The following CSMD3 variants were observed in gnomAD, a reference collection of about 807,000 sequenced individuals.
The protein encoded by CSMD3 is CUB and sushi domain-containing protein 3.
Under a neutral mutation model 435.2 loss-of-function variants are expected in CSMD3, and 177 were observed. That is an observed-to-expected ratio of 0.41 (90% CI 0.36 to 0.46). CSMD3 has a LOEUF of 0.46. Ranked by LOEUF, CSMD3 falls within the 20% of genes least tolerant of loss-of-function variation. The pLI is 0.34. For missense variants in CSMD3, 4,265 were observed against 4,504.6 expected (o/e 0.95, Z 1.52); for synonymous variants, 1,656 against 1,520.5 (o/e 1.09, Z -2.07).
chr8:113,197,750 T>C (rs2092674552), intron 3 of CSMD3, among the ~76,000 whole-genome samples: 1 of 151,304 alleles, frequency 6.6e-6, no homozygotes, highest in South Asian at 2.1e-4. Context: ...TTTCTGTCAA[T>C]AATAATTGTA....
At chr8:112,690,858 G>T (rs1345617053) in intron 13 of CSMD3, among the ~76,000 whole-genome samples, 1 of 151,806 alleles carries the variant, frequency 6.6e-6, no homozygotes, top group East Asian at 1.9e-4. Context: ...TAATACAGTT[G>T]TCTTCAAACA....
chr8:113,127,114 G>A (rs2091155946), intron 4 of CSMD3, among the ~76,000 whole-genome samples: 1 of 151,870 alleles, frequency 6.6e-6, no homozygotes, highest in Non-Finnish European at 1.5e-5. Flanking sequence ...ACTCTTTGAG[G>A]GCAGAGCTGT....
chr8:112,965,709 C>A (rs1260210569), intron 7 of CSMD3, among the ~76,000 whole-genome samples: 2 of 151,900 alleles, frequency 1.3e-5, no homozygotes, highest in African/African-American at 4.8e-5. Flanking sequence ...TTATCTAATA[C>A]ATTTTAAATG....
chr8:113,221,353 T>TTA (rs1383863938), intron 3 of CSMD3, among the ~76,000 whole-genome samples: 1 of 102,932 alleles, frequency 9.7e-6, no homozygotes, highest in East Asian at 2.5e-4. Context: ...ACAGACACAG[T>TTA]TACACACACA....
chr8:113,208,024 T>C (rs1183296397), intron 3 of CSMD3, among the ~76,000 whole-genome samples: 3 of 152,164 alleles, frequency 2.0e-5, no homozygotes, highest in Admixed American at 6.6e-5. Flanking sequence ...TAGAATGCTT[T>C]ATCAAGTCTG....
chr8:113,108,264 C>T (rs1465891471), intron 4 of CSMD3, among the ~76,000 whole-genome samples: 1 of 151,926 alleles, frequency 6.6e-6, no homozygotes, highest in Non-Finnish European at 1.5e-5. Context: ...CCCATCTCTA[C>T]TAAAAATATA....
intron 38 of CSMD3, among the ~76,000 whole-genome samples, chr8:112,375,786 G>T (rs929518901): frequency 1.3e-5 from 2 of 151,972 alleles, no homozygotes; most frequent in East Asian, 1.9e-4. Context: ...ATAATTTAAT[G>T]GTCTGTATTA....
chr8:113,289,097 C>T (rs2093666287), intron 2 of CSMD3, among the ~76,000 whole-genome samples: 1 of 145,566 alleles, frequency 6.9e-6, no homozygotes, highest in South Asian at 2.3e-4. Context: ...CTTGCCTCTC[C>T]TGATTCCTCA....
chr8:112,583,772 C>T (rs545828267), intron 23 of CSMD3, among the ~76,000 whole-genome samples: 1 of 151,884 alleles, frequency 6.6e-6, no homozygotes, highest in East Asian at 1.9e-4. Flanking sequence ...GGTTAAAATA[C>T]CCATTAAGTA....
chr8:113,005,393 G>A (rs1198517577), intron 6 of CSMD3, among the ~76,000 whole-genome samples: 1 of 151,580 alleles, frequency 6.6e-6, no homozygotes, highest in Non-Finnish European at 1.5e-5. Flanking sequence ...TTAAATTAAG[G>A]CCATATAGAA....
intron 13 of CSMD3, among the ~76,000 whole-genome samples, chr8:112,715,737 G>A (rs1198337345): frequency 3.9e-5 from 6 of 152,102 alleles, no homozygotes; most frequent in African/African-American, 1.2e-4. Flanking sequence ...TGATGAAGTC[G>A]GCTTCATCCC....
At chr8:112,795,664 C>G (rs1050027788) in intron 13 of CSMD3, among the ~76,000 whole-genome samples, 9 of 152,040 alleles carry the variant, frequency 5.9e-5, no homozygotes, top group African/African-American at 1.9e-4. Context: ...CAAGAACGCA[C>G]CTGAGTCTCA....
chr8:113,207,010 G>T (rs935596077), intron 3 of CSMD3, among the ~76,000 whole-genome samples: 2 of 152,072 alleles, frequency 1.3e-5, no homozygotes, highest in African/African-American at 4.8e-5. Flanking sequence ...AAAAATGCAG[G>T]CTACTGTGTT....
At chr8:113,196,579 T>G (rs2092658503) in intron 3 of CSMD3, among the ~76,000 whole-genome samples, 1 of 151,272 alleles carries the variant, frequency 6.6e-6, no homozygotes, top group Non-Finnish European at 1.5e-5. Flanking sequence ...GAGGATTTTA[T>G]TTTTTAAATG....
intron 32 of CSMD3, among the ~76,000 whole-genome samples, chr8:112,429,497 T>C (rs1813433691): frequency 6.6e-6 from 1 of 152,056 alleles, no homozygotes; most frequent in Admixed American, 6.6e-5. Context: ...AGCCATTAAA[T>C]ATCAAAACAT....
chr8:112,482,569 A>ACTT (rs2130804152), intron 31 of CSMD3, among the ~76,000 whole-genome samples: 1 of 152,302 alleles, frequency 6.6e-6, no homozygotes, highest in South Asian at 2.1e-4. Flanking sequence ...GAAACAGCTA[A>ACTT]CTTTTTAGGA....
At chr8:112,969,648 T>A (rs993096136) in intron 7 of CSMD3, among the ~76,000 whole-genome samples, 61 of 151,970 alleles carry the variant, frequency 4.0e-4, no homozygotes, top group Non-Finnish European at 2.1e-4. Flanking sequence ...TAAATTCCCA[T>A]CGGGAAGTCC....
At chr8:113,152,534 A>G (rs1273232010) in intron 4 of CSMD3, among the ~76,000 whole-genome samples, 1 of 152,092 alleles carries the variant, frequency 6.6e-6, no homozygotes, top group African/African-American at 2.4e-5. Flanking sequence ...GATTAACCCA[A>G]TCCCTTTTAA....
intron 11 of CSMD3, among the ~76,000 whole-genome samples, chr8:112,856,814 T>C (rs1211432683): frequency 1.3e-5 from 2 of 151,894 alleles, no homozygotes; most frequent in Non-Finnish European, 2.9e-5. Context: ...ATTAATCACC[T>C]TGGTTAATTG....
Sources: gnomAD v4.1 joint callset for allele counts (sites outside exome capture counted in the v4.1 genomes callset) on GRCh38, gnomAD v4.1.1 for gene constraint, MANE v1.5 for transcripts, NCBI Gene and HGNC (gene_info 2026-07-23, HGNC 2026-07-21) for gene names.